LRFN2: variants seen among roughly 807,000 people sequenced by gnomAD.
LRFN2 encodes leucine-rich repeat and fibronectin type-III domain-containing protein 2.
Under a neutral mutation model 37.3 loss-of-function variants are expected in LRFN2, and 18 were observed. The observed-to-expected ratio is 0.48, with a 90% CI of 0.33 to 0.72. LRFN2 has a LOEUF of 0.72. LRFN2 is among the 30% of genes least tolerant of loss of function. LRFN2 has a pLI of 0.02. For missense variants in LRFN2, 1,006 were observed against 1,060.7 expected (o/e 0.95, Z 0.72); for synonymous variants, 556 against 466.6 (o/e 1.19, Z -2.47).
intron 2 of LRFN2, among the ~76,000 whole-genome samples, chr6:40,427,780 C>A (rs1763388910): frequency 6.6e-6 from 1 of 152,238 alleles, no homozygotes; most frequent in African/African-American, 2.4e-5. Flanking sequence ...TCTTAGGCAT[C>A]TCTCTGTCCA....
At chr6:40,539,575 C>G (rs557636684) in intron 1 of LRFN2, among the ~76,000 whole-genome samples, 2 of 152,314 alleles carry the variant, frequency 1.3e-5, no homozygotes, top group Admixed American at 6.5e-5. Context: ...AAAACAGAAT[C>G]TCTACCCTCA....
intron 1 of LRFN2, among the ~76,000 whole-genome samples, chr6:40,561,940 A>G (rs1003314492): frequency 5.9e-5 from 9 of 152,154 alleles, no homozygotes; most frequent in Non-Finnish European, 1.2e-4. Flanking sequence ...GGAGTCCCTA[A>G]GCAGAAAACC....
intron 1 of LRFN2, among the ~76,000 whole-genome samples, chr6:40,533,532 A>G (rs934006582): frequency 2.6e-5 from 4 of 152,050 alleles, no homozygotes; most frequent in South Asian, 2.1e-4. Context: ...CCAAAAAAAA[A>G]GCTCTCCTCC....
At chr6:40,453,537 CA>C (rs1365645577) in intron 1 of LRFN2, among the ~76,000 whole-genome samples, 3 of 150,160 alleles carry the variant, frequency 2.0e-5, no homozygotes, top group Non-Finnish European at 3.0e-5. Context: ...CACACACACA[CA>C]CACACACACA....
intron 1 of LRFN2, among the ~76,000 whole-genome samples, chr6:40,577,105 T>TC (rs1561913898): frequency 1.3e-4 from 5 of 39,822 alleles, no homozygotes; most frequent in African/African-American, 2.4e-4. Flanking sequence ...TTTCTTTTCC[T>TC]TTCTTTTCTT....
intron 1 of LRFN2, among the ~76,000 whole-genome samples, chr6:40,435,546 T>C (rs536528254): frequency 1.0e-4 from 14 of 133,718 alleles, no homozygotes; most frequent in Non-Finnish European, 2.1e-4. Flanking sequence ...TTTTGTTTCC[T>C]ATTTTTTTTT....
chr6:40,529,860 T>C (rs907918763), intron 1 of LRFN2, among the ~76,000 whole-genome samples: 3 of 152,262 alleles, frequency 2.0e-5, no homozygotes, highest in Admixed American at 6.5e-5. Context: ...CCTGGCACAC[T>C]GTAAGGATCA....
intron 1 of LRFN2, among the ~76,000 whole-genome samples, chr6:40,483,846 C>A (rs1426139908): frequency 6.6e-6 from 1 of 152,192 alleles, no homozygotes; most frequent in Non-Finnish European, 1.5e-5. Flanking sequence ...TGAGGAGCAT[C>A]TGAATCCCTG....
rs968067069 is a variant in LRFN2, at chr6:40,459,876, C to T, written c.-18-26745G>A. On this transcript the variant is annotated intron_variant, in intron 1 of 2. Transcript: ENST00000338305. Reference sequence around the variant, plus strand: ...TAATTCTTATATCAACTCTATGAGTCGGGCACTATTAAGAGCACCAAGAGG... The same window carrying T: ...TAATTCTTATATCAACTCTATGAGTTGGGCACTATTAAGAGCACCAAGAGG... Among the ~76,000 whole-genome samples the T allele has an allele frequency of 2.7e-5, 4 of 149,626 alleles. 1 individual carries two copies. Among genetic ancestry groups the T allele is most frequent in the African/African-American group, 5.1e-5 (2 of 39,070 alleles).
In LRFN2 at chr6:40,391,777, G is replaced by C; in HGVS notation, c.*166C>G. 1.7e-6 allele frequency: 1 copy of C among 588,690 alleles called. No individual in the cohort carries two copies. Among genetic ancestry groups the C allele is most frequent in the South Asian group, 3.7e-5 (1 of 27,308 alleles). The allele number at this position is 588,690 out of a possible 1,614,324, so 36.5% of individuals were successfully genotyped here. A position where few individuals can be genotyped will look rare whatever the true frequency, so the allele number is the denominator to read the frequency against. On this transcript the variant is annotated 3_prime_UTR_variant, in exon 3 of 3. Coordinates refer to ENST00000338305, the MANE Select transcript of LRFN2 (RefSeq NM_020737.3). ...CACACCCCGGCCGGGTGGTGGGGAG[G>C]TGATGTGGGTGTTGCGGGGTAGGGG...
At chr6:40,540,229 A>G (rs1766527810) in intron 1 of LRFN2, among the ~76,000 whole-genome samples, 1 of 152,194 alleles carries the variant, frequency 6.6e-6, no homozygotes, top group Non-Finnish European at 1.5e-5. Context: ...TGTCACTGCA[A>G]ATAAAACATT....
chr6:40,466,118 G>C (rs1764460020), intron 1 of LRFN2, among the ~76,000 whole-genome samples: 1 of 152,176 alleles, frequency 6.6e-6, no homozygotes, highest in Non-Finnish European at 1.5e-5. Context: ...TTTGGGGTCT[G>C]AGATCATGGG....
intron 2 of LRFN2, among the ~76,000 whole-genome samples, chr6:40,410,930 T>TC (rs1762952152): frequency 6.6e-6 from 1 of 152,210 alleles, no homozygotes; most frequent in African/African-American, 2.4e-5. Context: ...TTATCCTCCT[T>TC]CCTCTGTCCT....
In LRFN2 at chr6:40,470,279, A is replaced by G. The variant is rs932461520; in HGVS notation, c.-18-37148T>C. ...CCTGCTCAGGTAATAGAACCCACAG[A>G]GAAATGGAGCCAAGTGTTTTCCATT... On this transcript the variant is annotated intron_variant, in intron 1 of 2. Transcript: ENST00000338305. 3.3e-5 allele frequency among the ~76,000 whole-genome samples: 5 copies of G among 152,344 alleles called. No homozygotes were observed. In the East Asian group the frequency reaches 7.7e-4, roughly 24 times the overall value.
chr6:40,489,335 C>T (rs2113868723), intron 1 of LRFN2, among the ~76,000 whole-genome samples: 1 of 152,350 alleles, frequency 6.6e-6, no homozygotes, highest in East Asian at 1.9e-4. Context: ...GGAATAAGCT[C>T]ATTGGACCTC....
chr6:40,582,175 T>C (rs929169698), intron 1 of LRFN2, among the ~76,000 whole-genome samples: 2 of 151,968 alleles, frequency 1.3e-5, no homozygotes, highest in Non-Finnish European at 2.9e-5. Context: ...GGAAGGGATG[T>C]GTTGAGGGGA....
In LRFN2 at chr6:40,392,588, C is replaced by T; in HGVS notation, c.1725G>A (p.Val575=). 1 of 1,608,254 alleles carries T rather than the reference C, an allele frequency of 6.2e-7. No individual in the cohort carries two copies. Among genetic ancestry groups the T allele is most frequent in the South Asian group, 1.1e-5 (1 of 91,068 alleles). The change falls in exon 3 of 3, where the codon GTG becomes GTA. Residue 575 remains valine (V), a synonymous_variant. Transcript: ENST00000338305. This position sits in a 1 kb window ranked among gnomAD's most constrained non-coding sequence, Gnocchi z 4.7. ...GCTGGGCGCCGTTGGTCTGCGAGTACACATTGCTCACGGCCGCTGCCATCT... is the reference window on the plus strand; with the variant it reads ...GCTGGGCGCCGTTGGTCTGCGAGTATACATTGCTCACGGCCGCTGCCATCT... ...PSKMAAAVSN[V]YSQTNGAQPP...
At chr6:40,506,209 C>T (rs1765532187) in intron 1 of LRFN2, among the ~76,000 whole-genome samples, 1 of 152,216 alleles carries the variant, frequency 6.6e-6, no homozygotes, top group South Asian at 2.1e-4. Flanking sequence ...TGGGTGTCTA[C>T]ACCCGCTTCC....
At position 40,583,177 on chromosome 6, in the gene LRFN2, A is replaced by C. The variant is rs151152253; in HGVS notation, c.-19+3764T>G. 4.1e-3 allele frequency among the ~76,000 whole-genome samples: 388 copies of C among 95,430 alleles called. 2 individuals are homozygous for C. The highest frequency in any genetic ancestry group is 0.034 in the Admixed American group (352 of 10,264). 62.6% of individuals were successfully genotyped at this position (95,430 alleles called of 152,430 possible). On this transcript the variant is annotated intron_variant, in intron 1 of 2. Coordinates refer to ENST00000338305, the MANE Select transcript of LRFN2 (RefSeq NM_020737.3). ...TTTGATATAAAAAGTACAGATATAC[A>C]TATGTATATAGTGTATATATAGACA...
Sources: allele counts gnomAD v4.1 joint callset (sites outside exome capture counted in the v4.1 genomes callset), GRCh38; gene constraint gnomAD v4.1.1; non-coding constraint Gnocchi (gnomAD v3.1); transcripts MANE v1.5; gene names NCBI Gene and HGNC (gene_info 2026-07-23, HGNC 2026-07-21).